ROBO1: variants seen among roughly 807,000 people sequenced by gnomAD.
ROBO1 encodes roundabout guidance receptor 1.
ROBO1 carries 149 observed loss-of-function variants against 195.9 expected under a neutral mutation model. That is an observed-to-expected ratio of 0.76 (90% CI 0.67 to 0.87). The LOEUF is 0.87. ROBO1 is among the 40% of genes least tolerant of loss of function. ROBO1 has a pLI of 0.00. For synonymous variants in ROBO1, 816 were observed against 733.2 expected (o/e 1.11, Z -1.82); for missense variants, 1,933 against 2,068.3 (o/e 0.93, Z 1.27).
intron 4 of ROBO1, among the ~76,000 whole-genome samples, chr3:78,867,719 C>G (rs1479260176): frequency 2.0e-5 from 3 of 152,144 alleles, no homozygotes; most frequent in Non-Finnish European, 4.4e-5. Flanking sequence ...CCAAATAACC[C>G]AGTGAGCTCT....
intron 5 of ROBO1, among the ~76,000 whole-genome samples, chr3:78,738,665 C>G (rs1172960152): frequency 3.9e-5 from 6 of 152,114 alleles, no homozygotes; most frequent in Admixed American, 3.9e-4. Flanking sequence ...GAATAGAATT[C>G]TCATTTCTAA....
chr3:79,043,760 T>C (rs186582321), intron 3 of ROBO1, among the ~76,000 whole-genome samples: 2 of 152,214 alleles, frequency 1.3e-5, no homozygotes, highest in African/African-American at 4.8e-5. Flanking sequence ...ACAGCTAAAC[T>C]AGGCAAACAA....
At chr3:78,803,787 T>C (rs1180727351) in intron 4 of ROBO1, among the ~76,000 whole-genome samples, 2 of 152,040 alleles carry the variant, frequency 1.3e-5, no homozygotes, top group Non-Finnish European at 1.5e-5. Context: ...ATAGCTTCTT[T>C]TGAAAAAAAA....
chr3:79,409,908 A>T (rs976015704), intron 2 of ROBO1, among the ~76,000 whole-genome samples: 1 of 151,936 alleles, frequency 6.6e-6, no homozygotes, highest in South Asian at 2.1e-4. Flanking sequence ...TCAACTTTCA[A>T]TTTTTTTTCC....
chr3:78,662,765 TTTAG>T (rs1707506067), intron 14 of ROBO1, among the ~76,000 whole-genome samples: 1 of 152,164 alleles, frequency 6.6e-6, no homozygotes, highest in Admixed American at 6.5e-5. Context: ...GATCCTTTAG[TTTAG>T]TTATTGTATC....
At chr3:78,879,396 T>C (rs918427998) in intron 4 of ROBO1, among the ~76,000 whole-genome samples, 3 of 152,114 alleles carry the variant, frequency 2.0e-5, no homozygotes, top group African/African-American at 7.2e-5. Flanking sequence ...CATCTATTTA[T>C]ATTAAATTTC....
intron 3 of ROBO1, among the ~76,000 whole-genome samples, chr3:78,996,048 G>GT (rs1277689917): frequency 2.6e-5 from 4 of 152,054 alleles, no homozygotes; most frequent in Admixed American, 2.6e-4. Context: ...AGACCATCTA[G>GT]TTTTTTCAGA....
chr3:79,502,445 C>A (rs1039163929), intron 2 of ROBO1, among the ~76,000 whole-genome samples: 1 of 152,122 alleles, frequency 6.6e-6, no homozygotes, highest in Admixed American at 6.5e-5. Flanking sequence ...GCTGCCTCCC[C>A]GCGGGGCAGG....
chr3:78,816,754 G>A (rs1172571183), intron 4 of ROBO1, among the ~76,000 whole-genome samples: 1 of 152,142 alleles, frequency 6.6e-6, no homozygotes, highest in Admixed American at 6.5e-5. Context: ...AGAATTACAA[G>A]TGGAGCCTGA....
chr3:79,741,809 C>T (rs1703661369), intron 1 of ROBO1, among the ~76,000 whole-genome samples: 1 of 152,128 alleles, frequency 6.6e-6, no homozygotes, highest in Non-Finnish European at 1.5e-5. Flanking sequence ...AAAGTCCAGG[C>T]TGAGGAGGAC....
chr3:78,658,027 T>C (rs937282252), intron 17 of ROBO1, among the ~76,000 whole-genome samples: 4 of 152,174 alleles, frequency 2.6e-5, no homozygotes, highest in Non-Finnish European at 4.4e-5. Context: ...ACATAAAGAA[T>C]AGCAATACAT....
chr3:78,877,402 T>C (rs1353797297), intron 4 of ROBO1, among the ~76,000 whole-genome samples: 1 of 152,050 alleles, frequency 6.6e-6, no homozygotes, highest in Non-Finnish European at 1.5e-5. Context: ...ATTAGAACAA[T>C]TCTCTGATAT....
At chr3:78,826,627 T>C (rs1193754197) in intron 4 of ROBO1, among the ~76,000 whole-genome samples, 4 of 152,198 alleles carry the variant, frequency 2.6e-5, no homozygotes, top group Admixed American at 6.5e-5. Flanking sequence ...TCTATGCTTC[T>C]TGGACAGCAA....
intron 10 of ROBO1, among the ~76,000 whole-genome samples, chr3:78,674,436 A>G (rs1559729252): frequency 6.6e-6 from 1 of 152,208 alleles, no homozygotes; most frequent in African/African-American, 2.4e-5. Context: ...AGCACTTGCA[A>G]TAATTCTAGT....
intron 4 of ROBO1, among the ~76,000 whole-genome samples, chr3:78,863,829 C>T (rs550764651): frequency 6.6e-6 from 1 of 152,268 alleles, no homozygotes; most frequent in South Asian, 2.1e-4. Context: ...AGTCCCTCCA[C>T]CGTCAAAATC....
intron 2 of ROBO1, among the ~76,000 whole-genome samples, chr3:79,258,126 T>G (rs554740903): frequency 6.6e-6 from 1 of 152,294 alleles, no homozygotes; most frequent in East Asian, 1.9e-4. Flanking sequence ...ATGGAAAAAT[T>G]TTGGAATTTG....
intron 3 of ROBO1, among the ~76,000 whole-genome samples, chr3:79,007,745 C>A (rs1181383399): frequency 6.6e-6 from 1 of 152,114 alleles, no homozygotes; most frequent in Non-Finnish European, 1.5e-5. Context: ...TTAACAACTG[C>A]ATTATTTTTT....
intron 2 of ROBO1, among the ~76,000 whole-genome samples, chr3:79,279,300 C>T (rs1235202776): frequency 6.6e-6 from 1 of 151,604 alleles, no homozygotes; most frequent in East Asian, 1.9e-4. Flanking sequence ...AAAACAAAAA[C>T]AACAACAAAA....
At chr3:78,916,424 T>G (rs1324045820) in intron 4 of ROBO1, among the ~76,000 whole-genome samples, 1 of 148,930 alleles carries the variant, frequency 6.7e-6, no homozygotes, top group Non-Finnish European at 1.5e-5. Flanking sequence ...TGGGGGCGGG[T>G]GCCTGTACTC....
Sources: gnomAD v4.1 joint callset for allele counts (sites outside exome capture counted in the v4.1 genomes callset) on GRCh38, gnomAD v4.1.1 for gene constraint, MANE v1.5 for transcripts, NCBI Gene and HGNC (gene_info 2026-07-23, HGNC 2026-07-21) for gene names.